CIB1: variants seen among roughly 807,000 people sequenced by gnomAD.
CIB1 encodes calcium and integrin binding 1, also known as calcium and integrin-binding protein 1.
In CIB1, 19 loss-of-function variants were observed where a neutral mutation model predicts 25.0. The observed-to-expected ratio is 0.76, with a 90% CI of 0.53 to 1.12. The LOEUF (loss-of-function observed/expected upper bound fraction) is 1.12. Among genes scored for constraint, CIB1 ranks in the 50% most tolerant of loss-of-function variants. CIB1 has a pLI of 0.00. For missense variants in CIB1, 236 were observed against 242.6 expected (o/e 0.97, Z 0.18); for synonymous variants, 104 against 98.5 (o/e 1.06, Z -0.33).
the CIB1 span, chr15:90,249,622 G>T: frequency 6.6e-6 from 1 of 152,266 alleles, no homozygotes; most frequent in African/African-American, 2.4e-5. Context: ...CCCTGCGGGG[G>T]AGCAGCTTCC....
At chr15:90,232,989 G>C (rs888498988) in intron 2 of CIB1, among the ~76,000 whole-genome samples, 1 of 151,110 alleles carries the variant, frequency 6.6e-6, no homozygotes, top group African/African-American at 2.4e-5. Flanking sequence ...CTTCACTCCA[G>C]GGATCTCTTA....
chr15:90,233,295 T>C (rs1164172498), intron 2 of CIB1, among the ~76,000 whole-genome samples: 1 of 152,228 alleles, frequency 6.6e-6, no homozygotes, highest in African/African-American at 2.4e-5. Context: ...ACGGTTACTG[T>C]ATTATTCAGG....
At chr15:90,265,032 C>A in the CIB1 span, 1 of 1,468,136 alleles carries the variant, frequency 6.8e-7, no homozygotes, top group Non-Finnish European at 9.0e-7. Context: ...GGCATTAAAT[C>A]TTTGCTAAAT....
the CIB1 span, chr15:90,245,826 A>G: frequency 6.6e-6 from 1 of 152,142 alleles, no homozygotes; most frequent in Non-Finnish European, 1.5e-5. Flanking sequence ...TCAGCTATTT[A>G]TATGCTTTGT....
chr15:90,250,937 A>C, the CIB1 span: 2 of 1,585,730 alleles, frequency 1.3e-6, no homozygotes, highest in South Asian at 1.1e-5. Context: ...GGAGTCACCC[A>C]TTGGCCTCCC....
Position 90,233,654 on chromosome 15 carries a change from C to A in CIB1, c.86+15G>T, listed in dbSNP as rs754859575. 1.3e-6 allele frequency: 2 copies of A among 1,573,354 alleles called. No individual in the cohort carries two copies. Among genetic ancestry groups the A allele is most frequent in the Admixed American group, 3.7e-5 (2 of 53,996 alleles). The stretch of plus-strand genomic sequence containing the variant: ...GGATCCCGGGGTCGGAGGCAGGGTT[C>A]AAGGCAGCACTTACAGGAGGATCTC... On this transcript the variant is annotated intron_variant, in intron 2 of 6. Transcript: ENST00000328649.
Position 90,232,298 on chromosome 15 carries a change from G to A in CIB1, c.116C>T (p.Pro39Leu). ...LAHRRFCELL[P>L]QEQRSVESSL... ...CGACTCCACGCTCCGCTGCTCCTGG[G>A]GAAGCAGCTCACAAAACCGCCTGTG... Residue 39 changes from proline to leucine, a missense_variant, in exon 3 of 7, where the codon CCC (proline) becomes CTC (leucine). By Grantham distance (98) the Pro-to-Leu change is moderately conservative (BLOSUM62 -3). Transcript: ENST00000328649. 2 of 1,611,204 alleles carry A rather than the reference G, an allele frequency of 1.2e-6. No individual in the cohort carries two copies. The highest frequency in any genetic ancestry group is 1.1e-5 in the South Asian group (1 of 90,734).
At chr15:90,265,438 A>C in the CIB1 span, 2 of 1,313,146 alleles carry the variant, frequency 1.5e-6, no homozygotes, top group Admixed American at 7.8e-5. Context: ...CGGCTCTTGG[A>C]AACGGAATCC....
the CIB1 span, chr15:90,264,103 C>A: frequency 1.6e-6 from 2 of 1,243,342 alleles, no homozygotes; most frequent in Non-Finnish European, 2.3e-6. Flanking sequence ...ATATGTAAAT[C>A]CCACTAGCAA....
chr15:90,240,928 C>G, the CIB1 span: 22 of 1,613,460 alleles, frequency 1.4e-5, no homozygotes, highest in Non-Finnish European at 1.9e-5. Context: ...CCACATGATT[C>G]AAACGAAACT....
At chr15:90,241,517 C>A in the CIB1 span, 1 of 1,613,676 alleles carries the variant, frequency 6.2e-7, no homozygotes, top group South Asian at 1.1e-5. Context: ...GCTTCCGTGT[C>A]GGCTTCAACA....
chr15:90,256,127 C>CAGAGAGG, the CIB1 span: 1 of 1,612,718 alleles, frequency 6.2e-7, no homozygotes, highest in African/African-American at 1.3e-5. Context: ...TGACCAGGCC[C>CAGAGAGG]TCTCTGCACA....
At chr15:90,256,403 C>T in the CIB1 span, 21 of 1,385,810 alleles carry the variant, frequency 1.5e-5, no homozygotes, top group South Asian at 1.2e-4. Flanking sequence ...TCTACCCTTC[C>T]CACTAGCCCC....
At chr15:90,242,074 G>A in the CIB1 span, 1 of 1,586,298 alleles carries the variant, frequency 6.3e-7, no homozygotes, top group African/African-American at 1.4e-5. Flanking sequence ...TAATACTTCT[G>A]GATGTATTTA....
intron 2 of CIB1, among the ~76,000 whole-genome samples, chr15:90,233,319 A>C (rs1029916836): frequency 6.6e-6 from 1 of 152,262 alleles, no homozygotes; most frequent in Non-Finnish European, 1.5e-5. Flanking sequence ...AGTTGGGAGA[A>C]GGAGCCGGGC....
rs1252481037 is a variant in CIB1 at position 90,230,475 on chromosome 15, G to C, written c.*9C>G. Reference sequence around the variant, plus strand: ...GGACAGGGTGCCAGGACACACGCTGGGGCTGCTGTCACAGGACAATCTTAA... The same window carrying C: ...GGACAGGGTGCCAGGACACACGCTGCGGCTGCTGTCACAGGACAATCTTAA... On this transcript the variant is annotated 3_prime_UTR_variant, in exon 7 of 7. Coordinates refer to ENST00000328649, the MANE Select transcript of CIB1 (RefSeq NM_006384.4). The C allele has an allele frequency of 6.4e-7, 1 of 1,551,534 alleles. No homozygotes were observed. The highest frequency in any genetic ancestry group is 8.7e-7 in the Non-Finnish European group (1 of 1,146,996).
the CIB1 span, chr15:90,258,759 G>A: frequency 6.6e-5 from 107 of 1,614,172 alleles, no homozygotes; most frequent in South Asian, 1.2e-3. Flanking sequence ...CACTCTCCAA[G>A]CTTTACCACG....
At chr15:90,262,541 G>A in the CIB1 span, 1 of 1,530,618 alleles carries the variant, frequency 6.5e-7, no homozygotes, top group East Asian at 2.5e-5. Context: ...GGAGACCTCG[G>A]GCACTAAGAG....
chr15:90,250,687 G>A, the CIB1 span: 1 of 1,614,066 alleles, frequency 6.2e-7, no homozygotes, highest in Non-Finnish European at 8.5e-7. Context: ...TTGAGGAAAA[G>A]GAATCTGAGA....
Sources: allele counts gnomAD v4.1 joint callset (sites outside exome capture counted in the v4.1 genomes callset), GRCh38; gene constraint gnomAD v4.1.1; transcripts MANE v1.5; gene names NCBI Gene and HGNC (gene_info 2026-07-23, HGNC 2026-07-21).